Variants in PLAA observed in about 807,000 individuals in gnomAD.
PLAA encodes phospholipase A2 activating protein, also known as phospholipase A-2-activating protein.
Under a neutral mutation model 84.1 loss-of-function variants are expected in PLAA, and 48 were observed. That is an observed-to-expected ratio of 0.57 (90% CI 0.45 to 0.73). The LOEUF is 0.73. Among genes scored for constraint, PLAA ranks in the 30% least tolerant of loss-of-function variants. The probability of loss-of-function intolerance (pLI) is 0.00; values close to 1 mark genes in which losing one functional copy is unlikely to be tolerated. For synonymous variants in PLAA, 392 were observed against 336.6 expected (o/e 1.16, Z -1.80); for missense variants, 903 against 954.7 (o/e 0.95, Z 0.71).
At chr9:26,918,403 C>T (rs12000194) in intron 9 of PLAA, among the ~76,000 whole-genome samples, 10,711 of 151,170 alleles carry the variant, frequency 0.071, 522 homozygotes, top group African/African-American at 0.14. Flanking sequence ...GCTGGGATTA[C>T]AGGCGTCAGC....
At position 26,905,876 on chromosome 9, in the gene PLAA, G is replaced by A. The variant is rs773930644; in HGVS notation, c.2023C>T (p.Leu675Phe). 13 of 1,614,142 alleles carry A rather than the reference G, an allele frequency of 8.1e-6. No homozygotes were observed. The highest frequency in any genetic ancestry group is 1.1e-5 in the South Asian group (1 of 91,084). Reference sequence around the variant, plus strand: ...AGTGATTCCCTCTGGGACATCATGAGTTTTTGTCCTGCCTGGCCAACAAAA... The same window carrying A: ...AGTGATTCCCTCTGGGACATCATGAATTTTTGTCCTGCCTGGCCAACAAAA... ...NCFVGQAGQKLMMSQRESLMS... is the reference protein window; with the variant it reads ...NCFVGQAGQKFMMSQRESLMS... The change falls in exon 14 of 14, where the codon CTC becomes TTC. Residue 675 changes from leucine (L) to phenylalanine (F), a missense_variant. Physicochemically the swap from Leu to Phe is conservative, Grantham distance 22. Transcript: ENST00000397292.
chr9:26,939,490 A>G (rs1365913654), intron 1 of PLAA, among the ~76,000 whole-genome samples: 1 of 150,710 alleles, frequency 6.6e-6, no homozygotes, highest in African/African-American at 2.4e-5. Flanking sequence ...AGACCAAAAA[A>G]AAAAAAAAAA....
In PLAA at chr9:26,904,903, T is replaced by A. The variant is rs17694300; in HGVS notation, c.*608A>T. On this transcript the variant is annotated 3_prime_UTR_variant, in exon 14 of 14. Coordinates refer to ENST00000397292, the MANE Select transcript of PLAA (RefSeq NM_001031689.3). ...TCGTCTGTCTGAACTGATACATGAC[T>A]AACACAGCTTACCAACTGGCTTTTT... The A allele has an allele frequency of 0.036, 5,452 of 152,300 alleles. 162 individuals are homozygous for A. Among genetic ancestry groups the A allele is most frequent in the South Asian group, 0.094 (454 of 4,826 alleles). The allele number at this position is 152,300 out of a possible 1,614,324, so 9.4% of individuals were successfully genotyped here.
intron 10 of PLAA, 130 bp from the exon 11 acceptor site, chr9:26,914,077 C>G: frequency 1.6e-6 from 1 of 632,078 alleles, no homozygotes; most frequent in Admixed American, 2.6e-5. Flanking sequence ...AAATATGCCA[C>G]AAATTTAATA....
chr9:26,919,491 A>C lies in PLAA; in HGVS notation c.1236T>G (p.Gly412=). 6.2e-7 allele frequency: 1 copy of C among 1,608,186 alleles called. No individual in the cohort carries two copies. The highest frequency in any genetic ancestry group is 1.1e-5 in the South Asian group (1 of 90,840). ...TATATGGCAATTTATATGATGGTCC[A>C]CCTTCATTGACATCAATTGAGAAAA... is the stretch of plus-strand genomic sequence containing the variant. ...DYVFSIDVNE[G]GPSYKLPYNT... is the part of the protein sequence containing the mutation. The change falls in exon 9 of 14, where the codon GGT becomes GGG. Residue 412 remains glycine (G), a synonymous_variant. Transcript: ENST00000397292.
In PLAA at chr9:26,905,527, A is replaced by C; in HGVS notation, c.2372T>G (p.Ile791Ser). ...PAKVSECCRF[I>S]LNLL ...TCCCCACTGCTACAGCAAATTTAGG[A>C]TAAATCTACAGCATTCACTTACTTT... Residue 791 changes from isoleucine (I) to serine (S), a missense_variant, in exon 14 of 14, where the codon ATC (isoleucine) becomes AGC (serine). Ile to Ser is a moderately radical substitution (Grantham distance 142, BLOSUM62 -2). Coordinates refer to ENST00000397292, the MANE Select transcript of PLAA (RefSeq NM_001031689.3). 1 of 1,607,136 alleles carries C rather than the reference A, an allele frequency of 6.2e-7. No individual in the cohort carries two copies.
intron 1 of PLAA, among the ~76,000 whole-genome samples, chr9:26,946,270 C>CTT (rs564163575): frequency 2.0e-5 from 3 of 146,722 alleles, no homozygotes; most frequent in Non-Finnish European, 3.0e-5. Context: ...CCTTTTTCTT[C>CTT]TTTTTTTTTT....
chr9:26,917,978 T>G (rs1215492792), intron 9 of PLAA, among the ~76,000 whole-genome samples: 1 of 152,226 alleles, frequency 6.6e-6, no homozygotes, highest in Non-Finnish European at 1.5e-5. Flanking sequence ...CTGTGTTCAC[T>G]CTTGAACTAC....
intron 1 of PLAA, among the ~76,000 whole-genome samples, chr9:26,940,646 TTA>T (rs1333828064): frequency 6.6e-6 from 1 of 152,194 alleles, no homozygotes; most frequent in East Asian, 1.9e-4. Context: ...ATGGCAAATT[TTA>T]TGTTTTGTGT....
chr9:26,935,812 C>T (rs1034208044), intron 1 of PLAA, among the ~76,000 whole-genome samples: 1 of 151,378 alleles, frequency 6.6e-6, no homozygotes, highest in Non-Finnish European at 1.5e-5. Flanking sequence ...AACAAAAAAA[C>T]CCCACCTAAT....
At chr9:26,912,400 G>A (rs1174546908) in intron 11 of PLAA, among the ~76,000 whole-genome samples, 1 of 152,140 alleles carries the variant, frequency 6.6e-6, no homozygotes. Context: ...AATATTCACT[G>A]GGAAGCCACT....
chr9:26,930,488 G>A (rs1033255947), intron 2 of PLAA, among the ~76,000 whole-genome samples: 8 of 152,074 alleles, frequency 5.3e-5, no homozygotes, highest in African/African-American at 1.4e-4. Context: ...ATTAGCCTGG[G>A]TCCCTGAGAA....
intron 10 of PLAA, chr9:26,916,436 C>T: frequency 3.0e-6 from 3 of 986,930 alleles, no homozygotes; most frequent in Non-Finnish European, 3.6e-6. Flanking sequence ...GCATGCATAC[C>T]TTGGTAAATA....
chr9:26,916,708 A>C (rs1824574388), intron 10 of PLAA: 6 of 994,930 alleles, frequency 6.0e-6, no homozygotes, highest in Non-Finnish European at 7.2e-6. Flanking sequence ...CCTATTATCT[A>C]ATTTCACAGA....
intron 10 of PLAA, among the ~76,000 whole-genome samples, chr9:26,914,729 AAGC>A (rs149670411): frequency 0.072 from 10,984 of 152,272 alleles, 1,351 homozygotes; most frequent in East Asian, 0.6. Flanking sequence ...AATATTTTAG[AAGC>A]AGAAGGTTGA....
At chr9:26,914,495 T>C (rs1226956778) in intron 10 of PLAA, among the ~76,000 whole-genome samples, 1 of 151,960 alleles carries the variant, frequency 6.6e-6, no homozygotes, top group African/African-American at 2.4e-5. Flanking sequence ...GCTACTGTTC[T>C]AGCCTCTCTC....
At chr9:26,907,609 C>T (rs986799863) in intron 13 of PLAA, 2 of 455,868 alleles carry the variant, frequency 4.4e-6, no homozygotes, top group African/African-American at 2.1e-5. Flanking sequence ...CAAACTGGTG[C>T]ATATATGGGG....
rs1825750454 is a variant in PLAA, at chr9:26,946,982, G to GT, written c.63dup (p.Arg22ThrfsTer57). On this transcript the variant is annotated frameshift_variant, in exon 1 of 14. Transcript: ENST00000397292. LOFTEE classifies it high-confidence loss of function. ...GGATAGGCGCAGCACACCAGGCCCC[G>GT]TACGTCCAGCTCGTGGCCCCGGAGC... The GT allele has an allele frequency of 1.3e-6, 2 of 1,593,466 alleles. No individual in the cohort carries two copies. The highest frequency in any genetic ancestry group is 2.7e-5 in the African/African-American group (2 of 74,502).
chr9:26,941,671 A>G (rs1410767613), intron 1 of PLAA, among the ~76,000 whole-genome samples: 1 of 152,166 alleles, frequency 6.6e-6, no homozygotes, highest in African/African-American at 2.4e-5. Flanking sequence ...AATTGTCATT[A>G]TCATCCTTAG....
Sources: gnomAD v4.1 joint callset for allele counts (sites outside exome capture counted in the v4.1 genomes callset) on GRCh38, gnomAD v4.1.1 for gene constraint, MANE v1.5 for transcripts, NCBI Gene and HGNC (gene_info 2026-07-23, HGNC 2026-07-21) for gene names.